The following SERPINI1 variants were observed in gnomAD, a reference collection of about 807,000 sequenced individuals.
SERPINI1 encodes the protein serpin family I member 1.
In SERPINI1, 19 loss-of-function variants were observed where a neutral mutation model predicts 41.1. The ratio of observed to expected loss-of-function variants is 0.46; its 90% CI spans 0.32 to 0.68. SERPINI1 has a LOEUF of 0.68. Among genes scored for constraint, SERPINI1 ranks in the 30% least tolerant of loss-of-function variants. The pLI is 0.03. For missense variants in SERPINI1, 460 were observed against 479.2 expected, an observed-to-expected ratio of 0.96 and a Z score of 0.37; for synonymous variants, 138 against 156.6, an observed-to-expected ratio of 0.88 and a Z score of 0.89.
intron 1 of SERPINI1, among the ~76,000 whole-genome samples, chr3:167,742,739 T>A (rs1417097540): frequency 6.6e-6 from 1 of 152,162 alleles, no homozygotes; most frequent in Non-Finnish European, 1.5e-5. Context: ...CTGTCAGTAG[T>A]TTCAGCCATA....
At chr3:167,820,995 G>A (rs1250140450) in intron 6 of SERPINI1, among the ~76,000 whole-genome samples, 1 of 152,174 alleles carries the variant, frequency 6.6e-6, no homozygotes, top group Non-Finnish European at 1.5e-5. Flanking sequence ...GCAGAGAGGA[G>A]CTACCCACTG....
intron 6 of SERPINI1, among the ~76,000 whole-genome samples, chr3:167,811,656 T>C (rs758669039): frequency 2.0e-5 from 3 of 151,340 alleles, no homozygotes; most frequent in Non-Finnish European, 4.4e-5. Context: ...TTTGGAATTT[T>C]ACCTTGTATA....
intron 3 of SERPINI1, 132 bp downstream of exon 3, chr3:167,790,734 T>G: frequency 1.5e-6 from 1 of 687,252 alleles, no homozygotes. Flanking sequence ...TAATAATTAT[T>G]TTGTATAGAT....
At chr3:167,759,864 A>G (rs1726323221) in intron 1 of SERPINI1, among the ~76,000 whole-genome samples, 1 of 152,202 alleles carries the variant, frequency 6.6e-6, no homozygotes, top group Non-Finnish European at 1.5e-5. Flanking sequence ...TAGAAGTCCA[A>G]GTTTTCTCAC....
At position 167,735,753 on chromosome 3, in the gene SERPINI1, A is replaced by G. The variant is rs1385981340; in HGVS notation, c.-89A>G. 6.6e-6 allele frequency: 1 copy of G among 152,368 alleles called. No individual in the cohort carries two copies. The highest frequency in any genetic ancestry group is 1.5e-5 in the Non-Finnish European group (1 of 68,160). 9.4% of individuals were successfully genotyped at this position (152,368 alleles called of 1,614,324 possible). ...CCCGGGAGAGACGAAAGCAGGAACG[A>G]GAGCGGAGCGGAGCACAGTCCGCCG... On this transcript the variant is annotated 5_prime_UTR_variant, in exon 1 of 9. Transcript: ENST00000446050.
intron 1 of SERPINI1, among the ~76,000 whole-genome samples, chr3:167,771,858 C>T (rs1350924591): frequency 2.0e-5 from 3 of 152,184 alleles, no homozygotes; most frequent in Non-Finnish European, 4.4e-5. Context: ...CGCGCACGCG[C>T]ACGCACATGC....
At chr3:167,752,141 G>T (rs988007172) in intron 1 of SERPINI1, among the ~76,000 whole-genome samples, 1 of 152,052 alleles carries the variant, frequency 6.6e-6, no homozygotes, top group African/African-American at 2.4e-5. Context: ...CATGTGTTTG[G>T]GTTTCCCAGA....
At chr3:167,806,315 C>T (rs1381618428) in intron 5 of SERPINI1, among the ~76,000 whole-genome samples, 1 of 151,802 alleles carries the variant, frequency 6.6e-6, no homozygotes, top group African/African-American at 2.4e-5. Context: ...CACACTGGGT[C>T]CTGTCTGAGG....
chr3:167,784,452 G>A (rs1189903138), intron 1 of SERPINI1, among the ~76,000 whole-genome samples: 3 of 152,188 alleles, frequency 2.0e-5, no homozygotes, highest in Admixed American at 6.5e-5. Flanking sequence ...GGGCAACAGA[G>A]ATGATTGTAT....
chr3:167,768,383 T>C (rs1726633260), intron 1 of SERPINI1, among the ~76,000 whole-genome samples: 1 of 152,238 alleles, frequency 6.6e-6, no homozygotes, highest in Non-Finnish European at 1.5e-5. Context: ...ATAACTTTTA[T>C]ATACAGTGGA....
In SERPINI1 at chr3:167,794,712, C is replaced by G. The variant is rs1164439750; in HGVS notation, c.769C>G (p.Leu257Val). 4 of 1,613,514 alleles carry G rather than the reference C, an allele frequency of 2.5e-6. No individual in the cohort carries two copies. In the East Asian group the frequency reaches 8.9e-5, roughly 36 times the overall value. ...EGDEISMMLVLSRQEVPLATL... is the reference protein window; with the variant it reads ...EGDEISMMLVVSRQEVPLATL... ...AGATGAAATAAGCATGATGCTGGTGCTGTCCAGACAGGAAGTTCCTCTTGC... is the reference window on the plus strand; with the variant it reads ...AGATGAAATAAGCATGATGCTGGTGGTGTCCAGACAGGAAGTTCCTCTTGC... The change falls in exon 5 of 9, where the codon CTG becomes GTG. Residue 257 changes from leucine to valine, a missense_variant. By Grantham distance (32) the Leu-to-Val change is conservative. Coordinates refer to ENST00000446050, the MANE Select transcript of SERPINI1 (RefSeq NM_001122752.2).
chr3:167,787,402 A>ACAGT, intron 1 of SERPINI1, among the ~76,000 whole-genome samples: 1 of 152,270 alleles, frequency 6.6e-6, no homozygotes. Context: ...AACTTGCAGT[A>ACAGT]CAGTAGGTTT....
intron 1 of SERPINI1, among the ~76,000 whole-genome samples, chr3:167,745,705 T>C (rs1725843245): frequency 6.6e-6 from 1 of 152,074 alleles, no homozygotes; most frequent in Non-Finnish European, 1.5e-5. Context: ...ATAAACAGGT[T>C]CACCAAGGTT....
At chr3:167,741,374 C>G (rs1725672797) in intron 1 of SERPINI1, among the ~76,000 whole-genome samples, 1 of 152,176 alleles carries the variant, frequency 6.6e-6, no homozygotes. Flanking sequence ...CACAGCCAGG[C>G]AATTCAATGA....
At chr3:167,800,773 C>T (rs1457401309) in intron 5 of SERPINI1, among the ~76,000 whole-genome samples, 2 of 151,162 alleles carry the variant, frequency 1.3e-5, no homozygotes, top group Non-Finnish European at 2.9e-5. Flanking sequence ...CTACATAAGT[C>T]GTCTGCTTTT....
intron 1 of SERPINI1, 141 bp from the exon 2 acceptor site, chr3:167,788,970 G>A: frequency 2.6e-6 from 2 of 763,506 alleles, no homozygotes; most frequent in East Asian, 2.7e-5. Context: ...GTTCCTGGGA[G>A]AATCCTCAGA....
chr3:167,760,580 TG>T (rs1726344683), intron 1 of SERPINI1, among the ~76,000 whole-genome samples: 1 of 144,322 alleles, frequency 6.9e-6, no homozygotes, highest in South Asian at 2.1e-4. Flanking sequence ...TGTGTGTGTG[TG>T]TGTGTGTGTG....
intron 6 of SERPINI1, 40 bp downstream of exon 6, chr3:167,807,381 A>G (rs1319183156): frequency 7.9e-7 from 1 of 1,264,500 alleles, no homozygotes; most frequent in South Asian, 1.2e-5. Flanking sequence ...GTTATTCCAT[A>G]AGAGCTTTAT....
intron 6 of SERPINI1, among the ~76,000 whole-genome samples, chr3:167,814,182 C>A (rs9813200): frequency 1.2e-4 from 19 of 152,254 alleles, no homozygotes; most frequent in African/African-American, 4.3e-4. Context: ...TATTGATTCA[C>A]TTTTTTATTG....
Sources: gnomAD v4.1 joint callset for allele counts (sites outside exome capture counted in the v4.1 genomes callset) on GRCh38, gnomAD v4.1.1 for gene constraint, MANE v1.5 for transcripts, NCBI Gene and HGNC (gene_info 2026-07-23, HGNC 2026-07-21) for gene names.